Variants in PARD3B observed in about 807,000 individuals in gnomAD.
PARD3B encodes par-3 family cell polarity regulator beta.
In PARD3B, 103 loss-of-function variants were observed where a neutral mutation model predicts 130.2. The observed-to-expected ratio is 0.79, with a 90% CI of 0.67 to 0.93. PARD3B has a LOEUF of 0.93. PARD3B is among the 40% of genes least tolerant of loss of function. The probability of loss-of-function intolerance (pLI) is 0.00; values close to 1 mark genes in which losing one functional copy is unlikely to be tolerated. For missense variants in PARD3B, 1,609 were observed against 1,499.2 expected (o/e 1.07, Z -1.21); for synonymous variants, 583 against 553.2 (o/e 1.05, Z -0.76).
intron 18 of PARD3B, among the ~76,000 whole-genome samples, chr2:205,387,931 C>G (rs1258960151): frequency 2.6e-5 from 4 of 152,168 alleles, no homozygotes; most frequent in African/African-American, 7.2e-5. Context: ...TGAGACACCT[C>G]TGTCATCTGA....
At chr2:204,870,178 G>T (rs564337412) in intron 2 of PARD3B, among the ~76,000 whole-genome samples, 1 of 152,236 alleles carries the variant, frequency 6.6e-6, no homozygotes, top group East Asian at 1.9e-4. Context: ...TTTGGATGGG[G>T]TGGTAGAGAA....
intron 20 of PARD3B, among the ~76,000 whole-genome samples, chr2:205,486,849 G>C (rs191139456): frequency 6.6e-6 from 1 of 151,934 alleles, no homozygotes; most frequent in African/African-American, 2.4e-5. Flanking sequence ...GAGACAAACC[G>C]TACCACGAGT....
At chr2:205,196,175 C>G (rs1365455005) in intron 15 of PARD3B, among the ~76,000 whole-genome samples, 1 of 152,162 alleles carries the variant, frequency 6.6e-6, no homozygotes, top group Non-Finnish European at 1.5e-5. Flanking sequence ...TCCTAGAAAG[C>G]ACTAGTTGCT....
intron 20 of PARD3B, among the ~76,000 whole-genome samples, chr2:205,483,015 A>G (rs998010098): frequency 2.0e-5 from 3 of 152,138 alleles, no homozygotes; most frequent in Non-Finnish European, 2.9e-5. Context: ...TAGGAGGGGC[A>G]TACAAATAAT....
At chr2:204,699,179 G>T (rs1028896662) in intron 2 of PARD3B, among the ~76,000 whole-genome samples, 5 of 152,016 alleles carry the variant, frequency 3.3e-5, no homozygotes, top group Non-Finnish European at 5.9e-5. Flanking sequence ...GAAGTGTCTA[G>T]GTGCCCCTGG....
chr2:205,380,491 A>G (rs2045315601), intron 18 of PARD3B, among the ~76,000 whole-genome samples: 1 of 71,232 alleles, frequency 1.4e-5, no homozygotes, highest in Non-Finnish European at 2.3e-5. Context: ...TATAATATAT[A>G]AAGAATATAT....
chr2:205,408,447 G>T (rs1449275189), intron 19 of PARD3B, among the ~76,000 whole-genome samples: 3 of 152,120 alleles, frequency 2.0e-5, no homozygotes. Context: ...TAAGGCTAGA[G>T]TTTATCCAAC....
At chr2:205,019,683 G>A (rs1025072392) in intron 3 of PARD3B, among the ~76,000 whole-genome samples, 16 of 152,142 alleles carry the variant, frequency 1.1e-4, no homozygotes, top group Admixed American at 3.9e-4. Context: ...CCTAGTGGGT[G>A]TAAAGTGGTA....
rs201360907 is a variant in PARD3B at position 204,984,555 on chromosome 2, TC to T, written c.394+19234del. ...AATATTAAAATAAATGTATGTGTAT[TC>T]CTTTGTATTCACAAAGGAATGTTAT... On this transcript the variant is annotated intron_variant, in intron 3 of 22. Transcript: ENST00000406610. Among the ~76,000 whole-genome samples, 1,383 of 152,272 alleles carry T rather than the reference TC, an allele frequency of 9.1e-3. 20 individuals are homozygous for T. The highest frequency in any genetic ancestry group is 0.03 in the African/African-American group (1,260 of 41,550).
chr2:205,103,807 C>A, intron 4 of PARD3B: 1 of 910,434 alleles, frequency 1.1e-6, no homozygotes, highest in Non-Finnish European at 1.3e-6. Flanking sequence ...TCCTGGAGTA[C>A]AGGGCCTCTC....
chr2:204,747,115 A>C (rs1439710260), intron 2 of PARD3B, among the ~76,000 whole-genome samples: 2 of 152,106 alleles, frequency 1.3e-5, no homozygotes, highest in Non-Finnish European at 2.9e-5. Context: ...TTTTAGGTCT[A>C]ACGTTTAAGT....
Position 205,160,368 on chromosome 2 carries a change from C to G in PARD3B, c.1620+1461C>G, listed in dbSNP as rs2034437850. Among the ~76,000 whole-genome samples the G allele has an allele frequency of 1.3e-5, 2 of 152,172 alleles. No individual in the cohort carries two copies. The highest frequency in any genetic ancestry group is 1.3e-4 in the Admixed American group (2 of 15,274). The stretch of plus-strand genomic sequence containing the variant: ...CACTTCTTTCTCCTGCTCCTTGGAT[C>G]AGCAGGCTAGCTGGCGCATGTCCCT... On this transcript the variant is annotated intron_variant, in intron 11 of 22. Coordinates refer to ENST00000406610, the MANE Select transcript of PARD3B (RefSeq NM_001302769.2). This position sits in a 1 kb window ranked among gnomAD's most constrained non-coding sequence, Gnocchi z 4.0.
At position 204,887,038 on chromosome 2, in the gene PARD3B, G is replaced by A. The variant is rs1241116049; in HGVS notation, c.223-78114G>A. ...TGTTTTATGCAGAAAACCCTTTGAG[G>A]CATTTTTTTAAATCAGTTTTTTTTA... On this transcript the variant is annotated intron_variant, in intron 2 of 22. Transcript: ENST00000406610. The surrounding 1 kb of genome is among the most constrained non-coding windows in gnomAD (Gnocchi z 4.2). 6.6e-6 allele frequency among the ~76,000 whole-genome samples: 1 copy of A among 152,094 alleles called. No individual in the cohort carries two copies. The highest frequency in any genetic ancestry group is 1.5e-5 in the Non-Finnish European group (1 of 67,998).
At chr2:205,083,072 A>G (rs368357421) in intron 4 of PARD3B, among the ~76,000 whole-genome samples, 14 of 151,886 alleles carry the variant, frequency 9.2e-5, no homozygotes, top group African/African-American at 3.4e-4. Flanking sequence ...GGTGCACACT[A>G]CCATGCCTGG....
In PARD3B at chr2:205,372,667, C is replaced by T. The variant is rs1037815648; in HGVS notation, c.2631-28346C>T. Among the ~76,000 whole-genome samples, 11 of 152,194 alleles carry T rather than the reference C, an allele frequency of 7.2e-5. No homozygotes were observed. The East Asian group carries it at 2.1e-3, about 29-fold the overall frequency. On this transcript the variant is annotated intron_variant, in intron 18 of 22. Transcript: ENST00000406610. ...TGACTCTGAATATTTATTTCTTATC[C>T]ACACTGCATAAAATTAAAAACATTT...
chr2:205,041,853 A>G (rs1300377855), intron 3 of PARD3B, among the ~76,000 whole-genome samples: 1 of 152,106 alleles, frequency 6.6e-6, no homozygotes, highest in Non-Finnish European at 1.5e-5. Context: ...ATCATATGTT[A>G]TGTGATTCTT....
chr2:205,166,668 T>C (rs771825232), intron 11 of PARD3B, among the ~76,000 whole-genome samples: 11 of 152,170 alleles, frequency 7.2e-5, no homozygotes, highest in Admixed American at 3.3e-4. Flanking sequence ...GGGGGTTTGA[T>C]TTGTTTTTTC....
Position 205,440,331 on chromosome 2 carries a change from A to G in PARD3B, c.2742-39A>G. The G allele has an allele frequency of 6.4e-7, 1 of 1,565,680 alleles. No homozygotes were observed. Among genetic ancestry groups the G allele is most frequent in the Non-Finnish European group, 8.8e-7 (1 of 1,139,940 alleles). On this transcript the variant is annotated intron_variant, in intron 19 of 22. Coordinates refer to ENST00000406610, the MANE Select transcript of PARD3B (RefSeq NM_001302769.2). The surrounding 1 kb of genome is among the most constrained non-coding windows in gnomAD (Gnocchi z 4.2). ...GTATTTCATTGTATTATTATATGAA[A>G]CTCACATACATCTTTGCTACCTGTA...
chr2:205,515,311 G>C (rs1472802023), intron 21 of PARD3B, among the ~76,000 whole-genome samples: 1 of 152,152 alleles, frequency 6.6e-6, no homozygotes, highest in African/African-American at 2.4e-5. Flanking sequence ...ACATTTGCGT[G>C]CATGTGTCTT....
Sources: gnomAD v4.1 joint callset for allele counts (sites outside exome capture counted in the v4.1 genomes callset) on GRCh38, gnomAD v4.1.1 for gene constraint, Gnocchi (gnomAD v3.1) non-coding constraint, MANE v1.5 for transcripts, NCBI Gene and HGNC (gene_info 2026-07-23, HGNC 2026-07-21) for gene names.